RAD54L2: variants seen among roughly 807,000 people sequenced by gnomAD.
RAD54L2 encodes RAD54 like 2.
Under a neutral mutation model 138.4 loss-of-function variants are expected in RAD54L2, and 27 were observed. The ratio of observed to expected loss-of-function variants is 0.20; its 90% confidence interval spans 0.14 to 0.27. The LOEUF is 0.27. RAD54L2 is among the 10% of genes least tolerant of loss of function. The pLI is 1.00. For missense variants in RAD54L2, 1,396 were observed against 1,890.2 expected, an observed-to-expected ratio of 0.74 and a Z score of 4.85; for synonymous variants, 644 against 723.2, an observed-to-expected ratio of 0.89 and a Z score of 1.76.
At chr3:51,578,745 C>G (rs1473989244) in intron 2 of RAD54L2, among the ~76,000 whole-genome samples, 1 of 152,034 alleles carries the variant, frequency 6.6e-6, no homozygotes, top group Admixed American at 6.6e-5. Flanking sequence ...GGGGAGGGTG[C>G]CTGTGACCCC....
chr3:51,641,620 A>T, intron 14 of RAD54L2, 129 bp from the exon 15 acceptor site: 2 of 626,224 alleles, frequency 3.2e-6, no homozygotes, highest in Non-Finnish European at 5.6e-6. Context: ...CCCAACCTAG[A>T]GTTACCTCTT....
intron 19 of RAD54L2, 128 bp from the exon 20 acceptor site, chr3:51,655,843 C>T: frequency 1.3e-6 from 1 of 787,640 alleles, no homozygotes; most frequent in African/African-American, 1.7e-5. Flanking sequence ...CCTGCAGATT[C>T]TTCTGATCCT....
rs1413714479 is a variant in RAD54L2 at position 51,645,013 on chromosome 3, G to C, written c.2451-11G>C. ...CTAAAGGCTCTGTGATTGTTGGCTT[G>C]TCTTTTAAAGGGCCGGATGCTTGGG... is the stretch of plus-strand genomic sequence containing the variant. On this transcript the variant is annotated splice_polypyrimidine_tract_variant and intron_variant, in intron 16 of 22. Coordinates refer to ENST00000684192, the MANE Select transcript of RAD54L2 (RefSeq NM_015106.4). This position sits in a 1 kb window ranked among gnomAD's most constrained non-coding sequence, Gnocchi z 6.1. The C allele has an allele frequency of 4.3e-6, 7 of 1,612,874 alleles. No individual in the cohort carries two copies. Among genetic ancestry groups the C allele is most frequent in the Non-Finnish European group, 5.1e-6 (6 of 1,179,864 alleles).
chr3:51,588,734 A>T (rs1699768717), intron 2 of RAD54L2, among the ~76,000 whole-genome samples: 1 of 152,116 alleles, frequency 6.6e-6, no homozygotes, highest in Non-Finnish European at 1.5e-5. Flanking sequence ...TAAAGTGATA[A>T]GAGAGACAGA....
rs368081741 is a variant in RAD54L2 at position 51,630,404 on chromosome 3, G to A, written c.598+16G>A. 2 of 1,602,182 alleles carry A rather than the reference G, an allele frequency of 1.2e-6. No homozygotes were observed. The highest frequency in any genetic ancestry group is 1.3e-5 in the African/African-American group (1 of 74,588). ...AGTCGAGATGGTAAGATCAAACCAG[G>A]TGCCTCCCTTTCTTCCGACCTGGTG... On this transcript the variant is annotated intron_variant, in intron 6 of 22. Transcript: ENST00000684192.
intron 1 of RAD54L2, 45 bp from the exon 2 acceptor site, chr3:51,541,544 C>T (rs1577376106): frequency 2.0e-5 from 3 of 152,318 alleles, no homozygotes; most frequent in African/African-American, 7.2e-5. Context: ...GTTTTGGGAG[C>T]ATGAAGGCGT....
At chr3:51,621,148 A>G (rs936930904) in intron 3 of RAD54L2, among the ~76,000 whole-genome samples, 12 of 152,214 alleles carry the variant, frequency 7.9e-5, no homozygotes, top group Non-Finnish European at 2.9e-5. Context: ...TTATGTAAAA[A>G]CCATAATCAT....
chr3:51,635,887 A>G, intron 10 of RAD54L2, 98 bp downstream of exon 10: 1 of 1,270,252 alleles, frequency 7.9e-7, no homozygotes, highest in Non-Finnish European at 1.1e-6. Flanking sequence ...TGCATTATTG[A>G]TGTGAATTGT....
chr3:51,556,457 A>G (rs1577385885), intron 2 of RAD54L2, among the ~76,000 whole-genome samples: 1 of 152,198 alleles, frequency 6.6e-6, no homozygotes, highest in East Asian at 1.9e-4. Flanking sequence ...TGTGTTGCCC[A>G]GGCTGGTCTC....
At chr3:51,568,544 A>G (rs1161285551) in intron 2 of RAD54L2, among the ~76,000 whole-genome samples, 2 of 152,142 alleles carry the variant, frequency 1.3e-5, no homozygotes, top group Non-Finnish European at 2.9e-5. Context: ...CTCTCAGTCA[A>G]CTAGATAGTC....
At chr3:51,547,012 G>A (rs1698715050) in intron 2 of RAD54L2, among the ~76,000 whole-genome samples, 1 of 151,898 alleles carries the variant, frequency 6.6e-6, no homozygotes, top group African/African-American at 2.4e-5. Flanking sequence ...CTGGGCAACA[G>A]AGTGAAACTT....
At chr3:51,595,861 G>T (rs1410929382) in intron 3 of RAD54L2, among the ~76,000 whole-genome samples, 1 of 151,496 alleles carries the variant, frequency 6.6e-6, no homozygotes, top group East Asian at 2.0e-4. Context: ...TTAAAGGTAG[G>T]GGTTCAAAAT....
At chr3:51,593,567 C>T (rs539138196) in intron 3 of RAD54L2, among the ~76,000 whole-genome samples, 2 of 151,962 alleles carry the variant, frequency 1.3e-5, no homozygotes, top group Non-Finnish European at 2.9e-5. Context: ...CTCCTGACGT[C>T]GTGATCCGTC....
Position 51,645,674 on chromosome 3 carries a change from C to T in RAD54L2, c.2740C>T (p.Pro914Ser). The T allele has an allele frequency of 6.2e-7, 1 of 1,612,234 alleles. No individual in the cohort carries two copies. The highest frequency in any genetic ancestry group is 8.5e-7 in the Non-Finnish European group (1 of 1,179,170). Reference protein sequence around the residue: ...ENLLHFVEKEPAPQVSLNVKG... With the variant: ...ENLLHFVEKESAPQVSLNVKG... ...CCTACTGCACTTTGTTGAGAAGGAG[C>T]CAGCTCCCCAAGTTTCCTTGAACGT... Residue 914 changes from proline to serine, a missense_variant, in exon 18 of 23, where the codon CCA becomes TCA. Physicochemically the swap from Pro to Ser is moderately conservative, Grantham distance 74. Transcript: ENST00000684192. The surrounding 1 kb of genome is among the most constrained non-coding windows in gnomAD (Gnocchi z 6.1).
chr3:51,597,165 CAAAAAAAAAAAA>C (rs145812228), intron 3 of RAD54L2, among the ~76,000 whole-genome samples: 3 of 49,270 alleles, frequency 6.1e-5, no homozygotes, highest in South Asian at 8.3e-4. Flanking sequence ...GACTTCATTT[CAAAAAAAAAAAA>C]AAAAAAAAAA....
rs760466798 is a variant in RAD54L2, at chr3:51,663,223, CCT to C, written c.4208_4209del (p.Pro1403ArgfsTer37). On this transcript the variant is annotated frameshift_variant, in exon 23 of 23. Transcript: ENST00000684192. LOFTEE classifies it high-confidence loss of function. ...EPRMFAPFPS[P>X]VLPSNLSRGM... ...GAGGATGTTTGCGCCTTTTCCTTCC[CCT>C]GTCTTGCCCAGCAACCTTTCGCGGG... 2 of 1,613,864 alleles carry C rather than the reference CCT, an allele frequency of 1.2e-6. No homozygotes were observed. Among genetic ancestry groups the C allele is most frequent in the Non-Finnish European group, 1.7e-6 (2 of 1,179,884 alleles).
Position 51,662,665 on chromosome 3 carries a change from G to A in RAD54L2, c.3649G>A (p.Gly1217Arg), listed in dbSNP as rs748731842. Reference sequence around the variant, plus strand: ...ACTTATGGACAGCAGTGCTGTTCCCGGGACAGCTCTCGGAACTGAGCCTCG... The same window carrying A: ...ACTTATGGACAGCAGTGCTGTTCCCAGGACAGCTCTCGGAACTGAGCCTCG... ...AQLMDSSAVP[G>R]TALGTEPRLG... is the part of the protein sequence containing the mutation. Residue 1217 changes from glycine to arginine, a missense_variant, in exon 23 of 23, where the codon GGG (glycine) becomes AGG (arginine). Around this residue, in one of 7 missense-constraint regions of RAD54L2, gnomAD observed 634 missense variants for 711.2 expected, o/e 0.89. Transcript: ENST00000684192. This position sits in a 1 kb window ranked among gnomAD's most constrained non-coding sequence, Gnocchi z 4.6. 2.5e-5 allele frequency: 40 copies of A among 1,613,504 alleles called. No homozygotes were observed. The Admixed American group carries it at 2.5e-4, about 10-fold the overall frequency.
chr3:51,612,110 T>C (rs146296674), intron 3 of RAD54L2, among the ~76,000 whole-genome samples: 2 of 152,342 alleles, frequency 1.3e-5, no homozygotes, highest in Non-Finnish European at 2.9e-5. Flanking sequence ...AGTGGATCTT[T>C]TCTCATAACT....
At chr3:51,573,372 G>A (rs1338621312) in intron 2 of RAD54L2, among the ~76,000 whole-genome samples, 1 of 152,086 alleles carries the variant, frequency 6.6e-6, no homozygotes, top group Non-Finnish European at 1.5e-5. Context: ...GTGTCTTAAA[G>A]GAAAGGAAGT....
Sources: gnomAD v4.1 joint callset for allele counts (sites outside exome capture counted in the v4.1 genomes callset) on GRCh38, gnomAD v4.1.1 for gene constraint, gnomAD v4.1.1 regional missense constraint, Gnocchi (gnomAD v3.1) non-coding constraint, MANE v1.5 for transcripts, NCBI Gene and HGNC (gene_info 2026-07-23, HGNC 2026-07-21) for gene names.